MACF1: variants seen among roughly 807,000 people sequenced by gnomAD.
The protein encoded by MACF1 is microtubule actin crosslinking factor 1.
A neutral mutation model predicts 854.8 loss-of-function variants in MACF1; 193 were observed. That is an observed-to-expected ratio of 0.23 (90% CI 0.20 to 0.25). MACF1 has a LOEUF of 0.25. Ranked by LOEUF, MACF1 falls within the 10% of genes least tolerant of loss-of-function variation. The probability of loss-of-function intolerance (pLI) is 1.00; values close to 1 mark genes in which losing one functional copy is unlikely to be tolerated. For synonymous variants in MACF1, 3,185 were observed against 3,226.7 expected, an observed-to-expected ratio of 0.99 and a Z score of 0.44; for missense variants, 7,722 against 8,929.1, an observed-to-expected ratio of 0.86 and a Z score of 5.45.
chr1:39,207,090 A>G (rs1220649177), intron 1 of MACF1: 1 of 151,810 alleles, frequency 6.6e-6, no homozygotes, highest in East Asian at 1.9e-4. Context: ...GCTCAGTTGT[A>G]TGAGCTCAGG....
chr1:39,124,123 T>C (rs1033086641), intron 2 of MACF1, among the ~76,000 whole-genome samples: 2 of 150,404 alleles, frequency 1.3e-5, no homozygotes, highest in African/African-American at 4.9e-5. Context: ...TGAGCTCAAG[T>C]GATCCGCCCA....
At chr1:39,481,140 G>C (rs1174793018) in intron 99 of MACF1, 110 bp downstream of exon 99, 1 of 650,304 alleles carries the variant, frequency 1.5e-6, no homozygotes, top group African/African-American at 1.8e-5. Flanking sequence ...CATCTCTGTG[G>C]TGCTTGCTGT....
At chr1:39,360,005 AAAAAAAAATATATATATATATATATATAT>A (rs1292024212) in intron 47 of MACF1, among the ~76,000 whole-genome samples, 42 of 69,476 alleles carry the variant, frequency 6.0e-4, no homozygotes, top group Non-Finnish European at 8.1e-4. Flanking sequence ...AAAAAAAAAA[AAAAAAAAATATATATATATATATATATAT>A]ATATATATAT....
intron 2 of MACF1, among the ~76,000 whole-genome samples, chr1:39,104,631 C>T (rs1008903876): frequency 3.3e-5 from 5 of 152,190 alleles, no homozygotes; most frequent in African/African-American, 1.2e-4. Context: ...CTTATTCACC[C>T]CATGGTGCAT....
chr1:39,188,173 C>T (rs1644202987), intron 2 of MACF1, among the ~76,000 whole-genome samples: 1 of 152,072 alleles, frequency 6.6e-6, no homozygotes, highest in Admixed American at 6.6e-5. Context: ...CACAGTGGCT[C>T]ACACCTATAA....
Position 39,292,052 on chromosome 1 carries a change from A to G in MACF1, c.1914+14A>G. 6.2e-7 allele frequency: 1 copy of G among 1,613,210 alleles called. No homozygotes were observed. Among genetic ancestry groups the G allele is most frequent in the Non-Finnish European group, 8.5e-7 (1 of 1,179,524 alleles). On this transcript the variant is annotated intron_variant, in intron 16 of 100. Transcript: ENST00000564288. ...AGGTTGTATGAGGTGCGTAGCCTTC[A>G]GAATCCACATTACAGGAGGGACGTG...
chr1:39,308,713 T>C (rs1260912237), intron 23 of MACF1, among the ~76,000 whole-genome samples: 4 of 152,008 alleles, frequency 2.6e-5, no homozygotes, highest in African/African-American at 9.6e-5. Flanking sequence ...TGGAGTGCAA[T>C]GGTGCGATCT....
At position 39,331,818 on chromosome 1, in the gene MACF1, C is replaced by G. The variant is rs565440734; in HGVS notation, c.5230C>G (p.Arg1744Gly). The G allele has an allele frequency of 6.2e-7, 1 of 1,613,976 alleles. No individual in the cohort carries two copies. The highest frequency in any genetic ancestry group is 1.1e-5 in the South Asian group (1 of 91,064). Reference sequence around the variant, plus strand: ...GGGGATGGTGAGCTTGAAATCAGGCCGGAAGGTTAGCATTTTCCGTGCAGT... The same window carrying G: ...GGGGATGGTGAGCTTGAAATCAGGCGGGAAGGTTAGCATTTTCCGTGCAGT... ...AGGMVSLKSG[R>G]KVSIFRAVQE... Residue 1744 changes from arginine to glycine, a missense_variant, in exon 37 of 101, where the codon CGG becomes GGG. Physicochemically the swap from Arg to Gly is moderately radical, Grantham distance 125. Coordinates refer to ENST00000564288, the MANE Select transcript of MACF1 (RefSeq NM_001394062.1).
chr1:39,475,464 G>A (rs1378700329), intron 97 of MACF1, among the ~76,000 whole-genome samples: 10 of 66,530 alleles, frequency 1.5e-4, no homozygotes, highest in Non-Finnish European at 2.6e-4. Context: ...GTGAGACCCT[G>A]TCTCAAAAAA....
At chr1:39,093,172 A>ATAT (rs1641850819) in intron 2 of MACF1, among the ~76,000 whole-genome samples, 1 of 152,118 alleles carries the variant, frequency 6.6e-6, no homozygotes. Flanking sequence ...CCCCGCCAGC[A>ATAT]AGTTAAACAA....
At chr1:39,195,484 G>C (rs528676351) in intron 2 of MACF1, among the ~76,000 whole-genome samples, 8 of 152,276 alleles carry the variant, frequency 5.3e-5, no homozygotes, top group African/African-American at 1.9e-4. Flanking sequence ...TAGTGAGGGA[G>C]TAACAATATG....
At chr1:39,459,335 C>A in intron 91 of MACF1, 86 bp downstream of exon 91, 1 of 1,365,816 alleles carries the variant, frequency 7.3e-7, no homozygotes, top group Non-Finnish European at 9.9e-7. Context: ...TTAATGTGAA[C>A]CTTGTGTCTT....
intron 2 of MACF1, among the ~76,000 whole-genome samples, chr1:39,134,160 C>T (rs1643097442): frequency 6.7e-6 from 1 of 150,362 alleles, no homozygotes; most frequent in Non-Finnish European, 1.5e-5. Context: ...CTTGCCTCAG[C>T]CTCCCGAGTA....
At chr1:39,087,866 G>A (rs773639760) in intron 2 of MACF1, among the ~76,000 whole-genome samples, 14 of 151,592 alleles carry the variant, frequency 9.2e-5, no homozygotes, top group South Asian at 2.1e-4. Flanking sequence ...TTCACCTCCC[G>A]GGTTCAAGCA....
At chr1:39,121,694 C>G (rs934286627) in intron 2 of MACF1, among the ~76,000 whole-genome samples, 1 of 152,184 alleles carries the variant, frequency 6.6e-6, no homozygotes, top group East Asian at 1.9e-4. Flanking sequence ...GTAGTCCGCT[C>G]GTCTTGGCCT....
At chr1:39,303,137 G>C in intron 23 of MACF1, 59 bp downstream of exon 23, 1 of 1,574,330 alleles carries the variant, frequency 6.4e-7, no homozygotes, top group Non-Finnish European at 8.7e-7. Context: ...CGGTGAACCA[G>C]TGGAGGGATG....
At chr1:39,363,721 T>A (rs1333651167) in intron 49 of MACF1, among the ~76,000 whole-genome samples, 5 of 152,006 alleles carry the variant, frequency 3.3e-5, no homozygotes, top group African/African-American at 1.2e-4. Context: ...CAAGTGATTC[T>A]CCTGCCTCAG....
At position 39,084,265 on chromosome 1, in the gene MACF1, G is replaced by A. The variant is rs775171020; in HGVS notation, c.47G>A (p.Ser16Asn). 2.5e-6 allele frequency: 4 copies of A among 1,613,646 alleles called. No homozygotes were observed. The highest frequency in any genetic ancestry group is 3.4e-6 in the Non-Finnish European group (4 of 1,179,912). The change falls in exon 2 of 94, where the codon AGT becomes AAT. Residue 16 changes from serine to asparagine, a missense_variant. By Grantham distance (46) the Ser-to-Asn change is conservative. Transcript: ENST00000361689. The surrounding 1 kb of genome is among the most constrained non-coding windows in gnomAD (Gnocchi z 5.2). ...ACGCTCAGTGAGCGGTCATGTCGGAGTGAGCGGTCTTGTCGGAGTGAGCGA... is the reference window on the plus strand; with the variant it reads ...ACGCTCAGTGAGCGGTCATGTCGGAATGAGCGGTCTTGTCGGAGTGAGCGA...
At chr1:39,226,768 T>C (rs1644721412) in intron 1 of MACF1, among the ~76,000 whole-genome samples, 1 of 152,218 alleles carries the variant, frequency 6.6e-6, no homozygotes, top group Non-Finnish European at 1.5e-5. Flanking sequence ...AAAGAAAATC[T>C]GTTAACTTTT....
Sources: allele counts gnomAD v4.1 joint callset (sites outside exome capture counted in the v4.1 genomes callset), GRCh38; gene constraint gnomAD v4.1.1; non-coding constraint Gnocchi (gnomAD v3.1); transcripts MANE v1.5; gene names NCBI Gene and HGNC (gene_info 2026-07-23, HGNC 2026-07-21).